OSTF1: variants seen among roughly 807,000 people sequenced by gnomAD.
The protein encoded by OSTF1 is osteoclast-stimulating factor 1.
In OSTF1, 27 loss-of-function variants were observed where a neutral mutation model predicts 37.2. The ratio of observed to expected loss-of-function variants is 0.73; its 90% CI spans 0.54 to 1.00. The LOEUF (loss-of-function observed/expected upper bound fraction) is 1.00. Ranked by LOEUF, OSTF1 falls within the 50% of genes least tolerant of loss-of-function variation. The pLI is 0.00. For missense variants in OSTF1, 232 were observed against 253.8 expected (o/e 0.91, Z 0.58); for synonymous variants, 82 against 89.2 (o/e 0.92, Z 0.46).
intron 7 of OSTF1, 46 bp from the exon 8 acceptor site, chr9:75,137,492 C>A: frequency 1.6e-6 from 2 of 1,257,466 alleles, no homozygotes; most frequent in Non-Finnish European, 2.3e-6. Context: ...TACTTTCAAT[C>A]CACCCTCTAT....
At chr9:75,144,014 A>C (rs1825983612) in intron 9 of OSTF1, among the ~76,000 whole-genome samples, 1 of 152,214 alleles carries the variant, frequency 6.6e-6, no homozygotes, top group Admixed American at 6.5e-5. Context: ...TAACCATCCA[A>C]GGACACAGAA....
intron 2 of OSTF1, among the ~76,000 whole-genome samples, chr9:75,125,020 A>G (rs1211346337): frequency 6.6e-6 from 1 of 152,194 alleles, no homozygotes; most frequent in Non-Finnish European, 1.5e-5. Context: ...AGACTTCTTC[A>G]AGGCATTGAA....
intron 9 of OSTF1, among the ~76,000 whole-genome samples, chr9:75,141,297 T>A (rs1486746677): frequency 2.9e-5 from 2 of 68,198 alleles, no homozygotes; most frequent in South Asian, 1.1e-3. Context: ...AGACCATATC[T>A]CAAAAAAAGA....
In OSTF1 at chr9:75,088,631, G is replaced by A; in HGVS notation, c.-62G>A. 6.4e-7 allele frequency: 1 copy of A among 1,554,254 alleles called. No homozygotes were observed. The highest frequency in any genetic ancestry group is 8.8e-7 in the Non-Finnish European group (1 of 1,138,880). On this transcript the variant is annotated 5_prime_UTR_variant, in exon 1 of 10. The change creates a new upstream start codon in the 5' untranslated region. Transcript: ENST00000346234. ...AGAACTGGGGTGCCCGGAGTGCCAG[G>A]TGGCGGGCAAGCGGTGGGCTTTTCG...
chr9:75,140,675 T>C (rs1307804357), intron 8 of OSTF1, among the ~76,000 whole-genome samples, 159 bp from the exon 9 acceptor site: 2 of 152,240 alleles, frequency 1.3e-5, no homozygotes, highest in Non-Finnish European at 2.9e-5. Context: ...TGCCAAATTA[T>C]ACTGCATGAG....
intron 1 of OSTF1, among the ~76,000 whole-genome samples, chr9:75,105,192 G>A (rs1225969187): frequency 6.6e-6 from 1 of 152,190 alleles, no homozygotes. Flanking sequence ...TTGGTTTTGG[G>A]GTTGGGGAGA....
chr9:75,138,636 A>G (rs1825879983), intron 8 of OSTF1, among the ~76,000 whole-genome samples: 2 of 152,248 alleles, frequency 1.3e-5, no homozygotes, highest in South Asian at 4.1e-4. Context: ...TATAATTAAA[A>G]ATAATTTCAC....
chr9:75,111,530 C>T (rs138302114), intron 1 of OSTF1, among the ~76,000 whole-genome samples: 60 of 152,238 alleles, frequency 3.9e-4, no homozygotes, highest in African/African-American at 1.2e-3. Flanking sequence ...AGTGCTAATA[C>T]GTGCAGGTTC....
At chr9:75,128,363 CATATATATATATATATATATATATAT>C (rs1174174895) in intron 3 of OSTF1, among the ~76,000 whole-genome samples, 27 of 11,518 alleles carry the variant, frequency 2.3e-3, no homozygotes, top group East Asian at 7.5e-3. Flanking sequence ...GTATGAAAGA[CATATATATATATATATATATATATAT>C]ATATATATAT....
intron 5 of OSTF1, among the ~76,000 whole-genome samples, chr9:75,132,198 C>T (rs755813963): frequency 2.6e-5 from 4 of 152,012 alleles, no homozygotes; most frequent in South Asian, 2.1e-4. Context: ...TTTGACAGGC[C>T]GTAGAGGCCC....
intron 1 of OSTF1, among the ~76,000 whole-genome samples, chr9:75,107,385 A>G (rs1023916610): frequency 6.6e-6 from 1 of 152,168 alleles, no homozygotes; most frequent in Non-Finnish European, 1.5e-5. Flanking sequence ...TGCTCCCTGC[A>G]TGTTCTTAGA....
intron 1 of OSTF1, among the ~76,000 whole-genome samples, chr9:75,107,496 G>A (rs1344873838): frequency 6.6e-6 from 1 of 152,104 alleles, no homozygotes; most frequent in African/African-American, 2.4e-5. Flanking sequence ...CTCTAAGATT[G>A]CTTGCAATTA....
chr9:75,101,933 A>G (rs1019825136), intron 1 of OSTF1, among the ~76,000 whole-genome samples: 2 of 152,232 alleles, frequency 1.3e-5, no homozygotes, highest in African/African-American at 4.8e-5. Context: ...GTGTCTTCAT[A>G]GAGAGCCAAG....
chr9:75,106,231 C>T (rs1250578996), intron 1 of OSTF1, among the ~76,000 whole-genome samples: 1 of 152,124 alleles, frequency 6.6e-6, no homozygotes, highest in Non-Finnish European at 1.5e-5. Context: ...TTAATTAATC[C>T]AAGAGTATAA....
intron 3 of OSTF1, among the ~76,000 whole-genome samples, chr9:75,130,364 C>T (rs747758824): frequency 1.8e-4 from 28 of 152,222 alleles, no homozygotes; most frequent in East Asian, 1.9e-4. Context: ...TGTCATGAAA[C>T]GTATTCCATT....
intron 1 of OSTF1, among the ~76,000 whole-genome samples, chr9:75,094,372 GTT>G (rs796781294): frequency 1.4e-5 from 2 of 143,522 alleles, no homozygotes; most frequent in Non-Finnish European, 1.5e-5. Flanking sequence ...AAAAAGGTGG[GTT>G]TTTTTTTTTT....
intron 8 of OSTF1, among the ~76,000 whole-genome samples, chr9:75,138,639 A>G (rs1001565274): frequency 3.3e-5 from 5 of 152,266 alleles, no homozygotes; most frequent in African/African-American, 1.2e-4. Flanking sequence ...AATTAAAAAT[A>G]ATTTCACATT....
At chr9:75,129,462 T>G (rs1825730272) in intron 3 of OSTF1, among the ~76,000 whole-genome samples, 1 of 152,138 alleles carries the variant, frequency 6.6e-6, no homozygotes, top group Non-Finnish European at 1.5e-5. Flanking sequence ...AAATAGTGGA[T>G]CTAGACAATG....
chr9:75,138,947 CA>C (rs1825884669), intron 8 of OSTF1, among the ~76,000 whole-genome samples: 1 of 151,912 alleles, frequency 6.6e-6, no homozygotes, highest in Non-Finnish European at 1.5e-5. Flanking sequence ...AAGATTTTGA[CA>C]CAAGATCATT....
Sources: gnomAD v4.1 joint callset for allele counts (sites outside exome capture counted in the v4.1 genomes callset) on GRCh38, gnomAD v4.1.1 for gene constraint, MANE v1.5 for transcripts, NCBI Gene and HGNC (gene_info 2026-07-23, HGNC 2026-07-21) for gene names.